KBTBD2: variants seen among roughly 807,000 people sequenced by gnomAD.
The protein encoded by KBTBD2 is kelch repeat and BTB domain containing 2.
A neutral mutation model predicts 57.1 loss-of-function variants in KBTBD2; 17 were observed. The observed-to-expected ratio is 0.30, with a 90% CI of 0.20 to 0.45. The LOEUF is 0.45. KBTBD2 is among the 20% of genes least tolerant of loss of function. The probability of loss-of-function intolerance (pLI) is 1.00; values close to 1 mark genes in which losing one functional copy is unlikely to be tolerated. For synonymous variants in KBTBD2, 267 were observed against 262.7 expected, an observed-to-expected ratio of 1.02 and a Z score of -0.16; for missense variants, 515 against 750.6, an observed-to-expected ratio of 0.69 and a Z score of 3.67.
At chr7:32,875,921 T>C (rs1472349793) in intron 2 of KBTBD2, among the ~76,000 whole-genome samples, 2 of 152,116 alleles carry the variant, frequency 1.3e-5, no homozygotes, top group Non-Finnish European at 2.9e-5. Context: ...AGACACAAAG[T>C]GATAAAAGTG....
At chr7:32,880,762 A>G (rs1784426652) in intron 1 of KBTBD2, among the ~76,000 whole-genome samples, 1 of 152,216 alleles carries the variant, frequency 6.6e-6, no homozygotes, top group South Asian at 2.1e-4. Flanking sequence ...TTATGAAAAT[A>G]TTAAATGTAC....
At chr7:32,885,529 A>C (rs1322031913) in intron 1 of KBTBD2, among the ~76,000 whole-genome samples, 1 of 151,672 alleles carries the variant, frequency 6.6e-6, no homozygotes, top group Non-Finnish European at 1.5e-5. Context: ...AAAAATCCAT[A>C]CTGAGAAAAA....
rs1049649220 is a variant in KBTBD2, at chr7:32,876,882, G to T, written c.171-1725C>A. Among the ~76,000 whole-genome samples, 74 of 152,024 alleles carry T rather than the reference G, an allele frequency of 4.9e-4. 1 individual carries two copies. The highest frequency in any genetic ancestry group is 1.8e-3 in the African/African-American group (73 of 41,388). ...TGAGGCAGGAAAATCACTTGAACCC[G>T]GGAGGCAGAGGTTGCAGTGAGCCAA... is the stretch of plus-strand genomic sequence containing the variant. On this transcript the variant is annotated intron_variant, in intron 2 of 3. Transcript: ENST00000304056.
At chr7:32,881,793 A>G (rs1784450414) in intron 1 of KBTBD2, among the ~76,000 whole-genome samples, 1 of 152,238 alleles carries the variant, frequency 6.6e-6, no homozygotes, top group Non-Finnish European at 1.5e-5. Flanking sequence ...GAGGGTGTGG[A>G]AAAACAAGCA....
rs185306645 is a variant in KBTBD2, at chr7:32,870,140, G to A, written c.1077C>T (p.Thr359=). The A allele has an allele frequency of 1.0e-4, 162 of 1,614,164 alleles. No individual in the cohort carries two copies. In the East Asian group the frequency reaches 3.4e-3, roughly 34 times the overall value. Residue 359 remains threonine, a synonymous_variant, in exon 4 of 4, where the codon ACC becomes ACT. Transcript: ENST00000304056. ...CFYWFDAQQN[T]WFPKTPMLFV... ...AAAGCATTGGGGTCTTTGGAAACCA[G>A]GTATTTTGCTGTGCATCAAACCAAT...
chr7:32,874,976 A>G lies in KBTBD2; in HGVS notation c.336+16T>C. 1.2e-6 allele frequency: 2 copies of G among 1,608,362 alleles called. No homozygotes were observed. The highest frequency in any genetic ancestry group is 1.7e-6 in the Non-Finnish European group (2 of 1,176,156). ...ACAGAGAGAGACTCCGTCTAAAAAA[A>G]TATATATATGCTTACCTGTAGGAAG... is the stretch of plus-strand genomic sequence containing the variant. On this transcript the variant is annotated intron_variant, in intron 3 of 3. Transcript: ENST00000304056.
intron 1 of KBTBD2, among the ~76,000 whole-genome samples, chr7:32,887,994 G>A (rs1161725478): frequency 6.6e-6 from 1 of 152,158 alleles, no homozygotes; most frequent in Non-Finnish European, 1.5e-5. Flanking sequence ...TGAAGCTTTT[G>A]CAGCACTTTC....
Position 32,869,672 on chromosome 7 carries a change from G to A in KBTBD2, c.1545C>T (p.Ile515=), listed in dbSNP as rs370793483. 1.1e-4 allele frequency: 175 copies of A among 1,613,992 alleles called. No individual in the cohort carries two copies. The highest frequency in any genetic ancestry group is 1.3e-4 in the Non-Finnish European group (159 of 1,180,022). ...AGGGGTCAGAGTACCTCTTAGCAGG[G>A]ATGTTGGCTGCCATTTTCCACTCAT... ...NKNEWKMAAN[I]PAKRYSDPCV... The change falls in exon 4 of 4, where the codon ATC becomes ATT. Residue 515 remains isoleucine (I), a synonymous_variant. Transcript: ENST00000304056.
intron 2 of KBTBD2, among the ~76,000 whole-genome samples, chr7:32,878,643 T>C (rs1784375864): frequency 6.6e-6 from 1 of 152,130 alleles, no homozygotes; most frequent in South Asian, 2.1e-4. Context: ...GATTGCTGCT[T>C]ATGTCTGTTA....
chr7:32,880,587 C>G (rs961583794), intron 1 of KBTBD2, among the ~76,000 whole-genome samples: 4 of 150,930 alleles, frequency 2.7e-5, no homozygotes, highest in Admixed American at 6.6e-5. Flanking sequence ...GGTATATGTT[C>G]CTACCCAGAA....
At chr7:32,882,862 G>A (rs969301144) in intron 1 of KBTBD2, among the ~76,000 whole-genome samples, 8 of 151,952 alleles carry the variant, frequency 5.3e-5, no homozygotes, top group Non-Finnish European at 1.0e-4. Flanking sequence ...AGCACGTGCT[G>A]TAATCCCAGC....
chr7:32,871,937 A>G (rs988773202), intron 3 of KBTBD2, among the ~76,000 whole-genome samples: 3 of 152,174 alleles, frequency 2.0e-5, no homozygotes, highest in Admixed American at 6.5e-5. Flanking sequence ...AATGTTAAGG[A>G]GCAGTGTCAA....
chr7:32,876,073 TC>T (rs1349297501), intron 2 of KBTBD2, among the ~76,000 whole-genome samples: 1 of 152,172 alleles, frequency 6.6e-6, no homozygotes, highest in Non-Finnish European at 1.5e-5. Flanking sequence ...CTCAAACAAT[TC>T]TCTAAAAATA....
intron 2 of KBTBD2, among the ~76,000 whole-genome samples, chr7:32,877,517 G>C (rs531029797): frequency 1.3e-5 from 2 of 152,228 alleles, no homozygotes; most frequent in East Asian, 3.9e-4. Context: ...AACTACAAAG[G>C]AAGAATGTAT....
intron 1 of KBTBD2, among the ~76,000 whole-genome samples, chr7:32,885,527 A>C (rs1330889011): frequency 6.6e-6 from 1 of 151,768 alleles, no homozygotes; most frequent in Non-Finnish European, 1.5e-5. Flanking sequence ...AAAAAAATCC[A>C]TACTGAGAAA....
chr7:32,881,025 C>G (rs1252485640), intron 1 of KBTBD2, among the ~76,000 whole-genome samples: 1 of 151,272 alleles, frequency 6.6e-6, no homozygotes, highest in Admixed American at 6.6e-5. Context: ...TGCTTGAACC[C>G]GGGAGGTGGA....
intron 1 of KBTBD2, among the ~76,000 whole-genome samples, chr7:32,882,860 C>T (rs1169349750): frequency 1.3e-5 from 2 of 152,024 alleles, no homozygotes; most frequent in East Asian, 1.9e-4. Flanking sequence ...GTAGCACGTG[C>T]TGTAATCCCA....
At chr7:32,884,587 G>A (rs1418642483) in intron 1 of KBTBD2, among the ~76,000 whole-genome samples, 1 of 151,806 alleles carries the variant, frequency 6.6e-6, no homozygotes, top group East Asian at 1.9e-4. Context: ...CTACTCGGGA[G>A]GCTGAGGCAG....
chr7:32,884,061 G>A (rs117203258), intron 1 of KBTBD2, among the ~76,000 whole-genome samples: 1,634 of 152,186 alleles, frequency 0.011, 12 homozygotes, highest in Non-Finnish European at 0.016. Flanking sequence ...ACTCTTTACC[G>A]TAAGAAAAAT....
Sources: gnomAD v4.1 joint callset for allele counts (sites outside exome capture counted in the v4.1 genomes callset) on GRCh38, gnomAD v4.1.1 for gene constraint, MANE v1.5 for transcripts, NCBI Gene and HGNC (gene_info 2026-07-23, HGNC 2026-07-21) for gene names.